The following CSF2RB variants were observed in gnomAD, a reference collection of about 807,000 sequenced individuals.
CSF2RB encodes cytokine receptor common subunit beta.
A neutral mutation model predicts 67.2 loss-of-function variants in CSF2RB; 22 were observed. That is an observed-to-expected ratio of 0.33 (90% CI 0.23 to 0.47). CSF2RB has a LOEUF of 0.47. CSF2RB is among the 20% of genes least tolerant of loss of function. CSF2RB has a pLI of 1.00. For synonymous variants in CSF2RB, 507 were observed against 482.9 expected, an observed-to-expected ratio of 1.05 and a Z score of -0.65; for missense variants, 1,113 against 1,174.5, an observed-to-expected ratio of 0.95 and a Z score of 0.76.
intron 1 of CSF2RB, among the ~76,000 whole-genome samples, chr22:36,916,595 T>C (rs1940718065): frequency 6.6e-6 from 1 of 152,278 alleles, no homozygotes; most frequent in South Asian, 2.1e-4. Context: ...CAGTGGCTCA[T>C]GCCTATAATC....
At chr22:36,929,941 C>A in intron 6 of CSF2RB, 134 bp downstream of exon 6, 1 of 1,205,308 alleles carries the variant, frequency 8.3e-7, no homozygotes, top group Non-Finnish European at 1.2e-6. Context: ...CAGTAGCGTC[C>A]CTGGGCCGTC....
chr22:36,922,528 A>C (rs1174686611), intron 2 of CSF2RB: 1 of 586,326 alleles, frequency 1.7e-6, no homozygotes, highest in African/African-American at 1.9e-5. Flanking sequence ...TCAGGGCGGC[A>C]CTCCCGGCCC....
chr22:36,916,091 T>C (rs1940709641), intron 1 of CSF2RB, among the ~76,000 whole-genome samples: 1 of 152,236 alleles, frequency 6.6e-6, no homozygotes, highest in Admixed American at 6.5e-5. Context: ...TTATGTCATA[T>C]AAAAATGTTT....
In CSF2RB at chr22:36,937,232, C is replaced by T; in HGVS notation, c.1569-145C>T. 1.9e-6 allele frequency: 2 copies of T among 1,040,074 alleles called. No homozygotes were observed. Among genetic ancestry groups the T allele is most frequent in the Non-Finnish European group, 2.8e-6 (2 of 702,410 alleles). The allele number at this position is 1,040,074 out of a possible 1,614,324, so 64.4% of individuals were successfully genotyped here. A position where few individuals can be genotyped will look rare whatever the true frequency, so the allele number is the denominator to read the frequency against. On this transcript the variant is annotated intron_variant, in intron 13 of 13. Coordinates refer to ENST00000403662, the MANE Select transcript of CSF2RB (RefSeq NM_000395.3). This position sits in a 1 kb window ranked among gnomAD's most constrained non-coding sequence, Gnocchi z 4.6. ...TCTCTGGGGCCCCTGCTCCCTCAAC[C>T]CTGTCCCGTTCAGGTTCTCTCTGTG...
intron 6 of CSF2RB, 74 bp downstream of exon 6, chr22:36,929,881 G>A: frequency 1.3e-6 from 2 of 1,545,324 alleles, no homozygotes; most frequent in Non-Finnish European, 1.7e-6. Context: ...GCACAGCAGG[G>A]TTCCTGGGCT....
chr22:36,938,779 T>C lies in CSF2RB; in HGVS notation c.*277T>C, dbSNP rs531259537. 496 of 555,548 alleles carry C rather than the reference T, an allele frequency of 8.9e-4. No homozygotes were observed. The highest frequency in any genetic ancestry group is 1.1e-3 in the Non-Finnish European group (356 of 315,106). 34.4% of individuals were successfully genotyped at this position (555,548 alleles called of 1,614,324 possible). Reference sequence around the variant, plus strand: ...CTGCATTATTAGAACTTTCTAGATATACTCATTCCATCTCCCCCTCATTTT... The same window carrying C: ...CTGCATTATTAGAACTTTCTAGATACACTCATTCCATCTCCCCCTCATTTT... On this transcript the variant is annotated 3_prime_UTR_variant, in exon 14 of 14. Transcript: ENST00000403662.
chr22:36,915,383 A>C (rs1807546), intron 1 of CSF2RB, among the ~76,000 whole-genome samples: 64,540 of 151,264 alleles, frequency 0.43, 16,270 homozygotes, highest in Admixed American at 0.57. Flanking sequence ...CTGTGCCAGG[A>C]TGGTAGTTTT....
rs772189360 is a variant in CSF2RB at position 36,933,993 on chromosome 22, G to A, written c.1314G>A (p.Ser438=). 67 of 1,612,032 alleles carry A rather than the reference G, an allele frequency of 4.2e-5. No individual in the cohort carries two copies. Among genetic ancestry groups the A allele is most frequent in the Non-Finnish European group, 5.1e-5 (60 of 1,179,980 alleles). ...AGGCGCGCTCCTGGGACACCGAGTC[G>A]GGTAGGTGAAGGCTGGAGTCCAGAG... The part of the protein sequence containing the change: ...WSEARSWDTE[S]VLPMWVLALI... Residue 438 remains serine, a splice_region_variant and synonymous_variant, in exon 10 of 14, where the codon TCG becomes TCA. Transcript: ENST00000403662.
intron 3 of CSF2RB, among the ~76,000 whole-genome samples, chr22:36,924,911 C>T (rs2145791840): frequency 1.3e-5 from 2 of 152,276 alleles, no homozygotes; most frequent in East Asian, 3.9e-4. Context: ...CTGCTGTATC[C>T]ACTCTGCAGA....
intron 12 of CSF2RB, among the ~76,000 whole-genome samples, chr22:36,936,152 G>A (rs1476027539): frequency 1.3e-5 from 2 of 152,152 alleles, no homozygotes; most frequent in East Asian, 3.9e-4. Context: ...AGGAGGCTGG[G>A]GGCCATGTTG....
At chr22:36,936,251 G>T (rs1941263666) in intron 12 of CSF2RB, among the ~76,000 whole-genome samples, 1 of 152,156 alleles carries the variant, frequency 6.6e-6, no homozygotes, top group South Asian at 2.1e-4. Context: ...TGCCTGTGGA[G>T]GGGTCTCTTG....
intron 4 of CSF2RB, among the ~76,000 whole-genome samples, chr22:36,928,292 G>A (rs1941068602): frequency 6.6e-6 from 1 of 152,150 alleles, no homozygotes; most frequent in African/African-American, 2.4e-5. Context: ...GCAGGTTTCT[G>A]ATGGGGCTCC....
intron 3 of CSF2RB, chr22:36,923,885 G>A (rs1940942693): frequency 1.1e-6 from 1 of 917,950 alleles, no homozygotes; most frequent in Non-Finnish European, 1.5e-6. Flanking sequence ...GTCTGGGAGG[G>A]GGCTCCGCGC....
intron 9 of CSF2RB, 117 bp from the exon 10 acceptor site, chr22:36,933,715 C>T: frequency 7.3e-7 from 1 of 1,375,614 alleles, no homozygotes; most frequent in South Asian, 1.3e-5. Context: ...GAAGCCGCAG[C>T]AGGCCTGGGG....
chr22:36,931,624 AG>A (rs1211305184), intron 8 of CSF2RB, among the ~76,000 whole-genome samples: 1 of 152,214 alleles, frequency 6.6e-6, no homozygotes, highest in Non-Finnish European at 1.5e-5. Flanking sequence ...AAGCTCAGAG[AG>A]GTTGAGTGGC....
At chr22:36,920,616 T>C (rs1940836441) in intron 1 of CSF2RB, among the ~76,000 whole-genome samples, 1 of 152,244 alleles carries the variant, frequency 6.6e-6, no homozygotes, top group African/African-American at 2.4e-5. Flanking sequence ...ATTTTCTGTT[T>C]GCACTCCGTC....
Position 36,929,539 on chromosome 22 carries a change from C to T in CSF2RB, c.529C>T (p.Arg177Trp), listed in dbSNP as rs755188718. 54 of 1,614,034 alleles carry T rather than the reference C, an allele frequency of 3.3e-5. No individual in the cohort carries two copies. The highest frequency in any genetic ancestry group is 3.8e-5 in the Non-Finnish European group (45 of 1,180,030). The part of the protein sequence containing the change: ...GDLEFEVVYK[R>W]LQDSWEDAAI... ...TCTGGAGTTTGAGGTGGTCTACAAG[C>T]GGCTTCAGGACTCTTGGGAGGTAGG... Residue 177 changes from arginine (R) to tryptophan (W), a missense_variant, in exon 5 of 14, where the codon CGG (arginine) becomes TGG (tryptophan). Physicochemically the swap from Arg to Trp is moderately radical, Grantham distance 101. Coordinates refer to ENST00000403662, the MANE Select transcript of CSF2RB (RefSeq NM_000395.3).
Position 36,929,625 on chromosome 22 carries a change from C to G in CSF2RB, c.550-14C>G. Reference sequence around the variant, plus strand: ...GGCAGCACCCCTCCTCCAGCACCCACTGTCTCCTGACAGGACGCAGCCATC... The same window carrying G: ...GGCAGCACCCCTCCTCCAGCACCCAGTGTCTCCTGACAGGACGCAGCCATC... On this transcript the variant is annotated splice_polypyrimidine_tract_variant and intron_variant, in intron 5 of 13. Coordinates refer to ENST00000403662, the MANE Select transcript of CSF2RB (RefSeq NM_000395.3). The G allele has an allele frequency of 6.2e-7, 1 of 1,614,234 alleles. No individual in the cohort carries two copies. The highest frequency in any genetic ancestry group is 8.5e-7 in the Non-Finnish European group (1 of 1,180,032).
chr22:36,923,744 G>A (rs1940939240), intron 3 of CSF2RB: 1 of 1,302,404 alleles, frequency 7.7e-7, no homozygotes, highest in Non-Finnish European at 1.0e-6. Context: ...GCCACTGCCT[G>A]CCTGTCCAGA....
Sources: allele counts gnomAD v4.1 joint callset (sites outside exome capture counted in the v4.1 genomes callset), GRCh38; gene constraint gnomAD v4.1.1; non-coding constraint Gnocchi (gnomAD v3.1); transcripts MANE v1.5; gene names NCBI Gene and HGNC (gene_info 2026-07-23, HGNC 2026-07-21).